CCL26: variants seen among roughly 807,000 people sequenced by gnomAD.
The protein encoded by CCL26 is C-C motif chemokine 26.
A neutral mutation model predicts 10.7 loss-of-function variants in CCL26; 10 were observed. The observed-to-expected ratio is 0.93, with a 90% CI of 0.57 to 1.58. The LOEUF is 1.58. Ranked by LOEUF, CCL26 falls within the 40% of genes most tolerant of loss-of-function variation. The pLI is 0.00. For missense variants in CCL26, 116 were observed against 111.0 expected (o/e 1.05, Z -0.20); for synonymous variants, 43 against 41.4 (o/e 1.04, Z -0.15).
chr7:75,779,069 C>A (rs1803004418), intron 1 of CCL26, among the ~76,000 whole-genome samples: 1 of 152,164 alleles, frequency 6.6e-6, no homozygotes, highest in Non-Finnish European at 1.5e-5. Flanking sequence ...CTTCTCCTGG[C>A]TTATCCTGGC....
chr7:75,775,224 G>GA (rs1324147357), upstream of CCL26, among the ~76,000 whole-genome samples: 29 of 149,872 alleles, frequency 1.9e-4, no homozygotes, highest in East Asian at 1.6e-3. Flanking sequence ...ATTTCAGAAG[G>GA]AAAAAAAACA....
chr7:75,787,774 A>T (rs57491791), intron 1 of CCL26, among the ~76,000 whole-genome samples: 2,797 of 151,568 alleles, frequency 0.018, 86 homozygotes, highest in African/African-American at 0.064. Flanking sequence ...AAGTAATTAC[A>T]CTAAACCCCC....
At chr7:75,782,360 C>T (rs782485966) in intron 1 of CCL26, among the ~76,000 whole-genome samples, 14 of 151,732 alleles carry the variant, frequency 9.2e-5, no homozygotes, top group South Asian at 6.3e-4. Flanking sequence ...TCTGCGTGGA[C>T]GCCTGCCTTG....
At chr7:75,771,146 G>A (rs781821886) in intron 2 of CCL26, among the ~76,000 whole-genome samples, 2 of 152,152 alleles carry the variant, frequency 1.3e-5, no homozygotes, top group Middle Eastern at 3.4e-3. Context: ...GTGCAGTGGT[G>A]CGATCATACC....
intron 1 of CCL26, among the ~76,000 whole-genome samples, chr7:75,785,288 A>G (rs1585015619): frequency 6.6e-6 from 1 of 152,176 alleles, no homozygotes; most frequent in Non-Finnish European, 1.5e-5. Context: ...GTGCTACCGC[A>G]AGGCTTCAGG....
chr7:75,772,592 G>T (rs1350540986), upstream of CCL26, among the ~76,000 whole-genome samples: 2 of 151,804 alleles, frequency 1.3e-5, no homozygotes, highest in Non-Finnish European at 2.9e-5. Context: ...GGGAGGTGGA[G>T]GTTGCAGTGA....
At chr7:75,775,056 C>T (rs1197161314), upstream of CCL26, among the ~76,000 whole-genome samples, 1 of 151,926 alleles carries the variant, frequency 6.6e-6, no homozygotes, top group East Asian at 1.9e-4. Flanking sequence ...TCCGTCTCTA[C>T]CAAAAATACA....
intron 1 of CCL26, among the ~76,000 whole-genome samples, chr7:75,788,324 C>T (rs1178922343): frequency 1.3e-5 from 2 of 152,160 alleles, no homozygotes; most frequent in East Asian, 3.9e-4. Flanking sequence ...TCTCCTGGCT[C>T]ATCCTGGCTC....
intron 1 of CCL26, among the ~76,000 whole-genome samples, chr7:75,778,912 TGTCAGGCCTCTG>T (rs2115666829): frequency 6.6e-6 from 1 of 152,214 alleles, no homozygotes; most frequent in Non-Finnish European, 1.5e-5. Context: ...GAAACCCCAT[TGTCAGGCCTCTG>T]AGCCCAAGCT....
chr7:75,783,723 C>G (rs959011322), intron 1 of CCL26, among the ~76,000 whole-genome samples: 30 of 148,566 alleles, frequency 2.0e-4, no homozygotes, highest in African/African-American at 6.5e-4. Flanking sequence ...GTAGGTGGAG[C>G]TTGCAGTGAG....
chr7:75,781,966 C>T (rs1803074510), intron 1 of CCL26, among the ~76,000 whole-genome samples: 1 of 152,132 alleles, frequency 6.6e-6, no homozygotes, highest in African/African-American at 2.4e-5. Flanking sequence ...GTCAGTGGGA[C>T]TCCTTCGGGA....
chr7:75,776,244 G>T (rs1402840749), upstream of CCL26, among the ~76,000 whole-genome samples: 3 of 151,542 alleles, frequency 2.0e-5, no homozygotes, highest in Admixed American at 6.6e-5. Flanking sequence ...ACTAATTTTT[G>T]TATTATTGGT....
intron 1 of CCL26, among the ~76,000 whole-genome samples, chr7:75,778,408 G>GTT (rs369917697): frequency 0.14 from 18,950 of 138,408 alleles, 1,584 homozygotes; most frequent in Non-Finnish European, 0.19. Flanking sequence ...TTTTGGTGTG[G>GTT]TTTTTTTTTT....
chr7:75,770,869 G>A (rs1802806493), intron 2 of CCL26, among the ~76,000 whole-genome samples: 1 of 152,172 alleles, frequency 6.6e-6, no homozygotes, highest in Non-Finnish European at 1.5e-5. Context: ...GAACAGCTTT[G>A]TTGGGATATA....
Position 75,771,823 on chromosome 7 carries a change from C to T in CCL26, c.188+66G>A, listed in dbSNP as rs538166235. On this transcript the variant is annotated intron_variant, in intron 2 of 2. Coordinates refer to ENST00000005180, the MANE Select transcript of CCL26 (RefSeq NM_001371938.1). ...CCATCCCAAGGCTCATCCTGGGGGT[C>T]TGCCCAGCACCCATCCTGTTGCATG... 8 of 989,568 alleles carry T rather than the reference C, an allele frequency of 8.1e-6. No homozygotes were observed. The African/African-American group carries it at 1.1e-4, about 14-fold the overall frequency. The allele number at this position is 989,568 out of a possible 1,614,324, so 61.3% of individuals were successfully genotyped here. A position where few individuals can be genotyped will look rare whatever the true frequency, so the allele number is the denominator to read the frequency against.
At chr7:75,788,550 T>C (rs1803253472) in intron 1 of CCL26, among the ~76,000 whole-genome samples, 1 of 151,990 alleles carries the variant, frequency 6.6e-6, no homozygotes, top group South Asian at 2.1e-4. Context: ...TCTCTTCACA[T>C]GGACGCGAGT....
At chr7:75,781,787 C>G (rs1803069988) in intron 1 of CCL26, among the ~76,000 whole-genome samples, 1 of 151,986 alleles carries the variant, frequency 6.6e-6, no homozygotes, top group African/African-American at 2.4e-5. Flanking sequence ...TTTTCCTTTA[C>G]CTATCCAAAT....
chr7:75,781,864 C>T (rs1554529504), intron 1 of CCL26, among the ~76,000 whole-genome samples: 1 of 152,156 alleles, frequency 6.6e-6, no homozygotes, highest in East Asian at 1.9e-4. Context: ...CCACCTGCAC[C>T]CAGGTGAAAT....
chr7:75,773,224 A>G (rs1400848979), upstream of CCL26, among the ~76,000 whole-genome samples: 1 of 152,026 alleles, frequency 6.6e-6, no homozygotes, highest in African/African-American at 2.4e-5. Context: ...ATAGTGAGAG[A>G]GAGGGCCTGG....
Sources: gnomAD v4.1 joint callset for allele counts (sites outside exome capture counted in the v4.1 genomes callset) on GRCh38, gnomAD v4.1.1 for gene constraint, MANE v1.5 for transcripts, NCBI Gene and HGNC (gene_info 2026-07-23, HGNC 2026-07-21) for gene names.